KDM6A: variants seen among roughly 807,000 people sequenced by gnomAD.
The protein encoded by KDM6A is lysine demethylase 6A, also known as lysine-specific demethylase 6A.
A neutral mutation model predicts 117.6 loss-of-function variants in KDM6A; 11 were observed. The observed-to-expected ratio is 0.09, with a 90% CI of 0.06 to 0.15. The LOEUF is 0.15. Among genes scored for constraint, KDM6A ranks in the 10% least tolerant of loss-of-function variants. KDM6A has a pLI of 1.00. For synonymous variants in KDM6A, 384 were observed against 396.1 expected (o/e 0.97, Z 0.36); for missense variants, 799 against 1,077.3 (o/e 0.74, Z 3.62).
intron 2 of KDM6A, among the ~76,000 whole-genome samples, chrX:44,916,794 C>G (rs1338610767): frequency 6.4e-5 from 7 of 109,128 alleles, no homozygotes; most frequent in African/African-American, 2.3e-4. Context: ...TACAGGTGCA[C>G]ACTACAACAC....
intron 25 of KDM6A, 140 bp from the exon 26 acceptor site, chrX:45,089,600 ACAG>A (rs916049334): frequency 2.0e-6 from 1 of 490,379 alleles, no homozygotes; most frequent in African/African-American, 2.4e-5. Context: ...CTATATACAT[ACAG>A]CAGATCTTTT....
chrX:45,083,385 G>T (rs2148149506), intron 23 of KDM6A, 75 bp from the exon 24 acceptor site: 2 of 972,579 alleles, frequency 2.1e-6, no homozygotes, highest in South Asian at 2.0e-5. Context: ...TGGAACACAA[G>T]GGTTTTGAAG....
intron 3 of KDM6A, among the ~76,000 whole-genome samples, chrX:44,961,998 G>A (rs2038694030): frequency 9.0e-6 from 1 of 111,306 alleles, no homozygotes; most frequent in South Asian, 3.8e-4. Flanking sequence ...AAAAGCACCC[G>A]GAAACCCCGC....
At chrX:44,892,183 A>G (rs2033418870) in intron 2 of KDM6A, among the ~76,000 whole-genome samples, 1 of 112,433 alleles carries the variant, frequency 8.9e-6, no homozygotes, top group Non-Finnish European at 1.9e-5. Flanking sequence ...CTTCTTTGTC[A>G]AGGTTGATTT....
intron 2 of KDM6A, among the ~76,000 whole-genome samples, chrX:44,884,707 G>A (rs767071813): frequency 3.6e-5 from 4 of 111,412 alleles, no homozygotes; most frequent in East Asian, 5.7e-4. Flanking sequence ...AGACTTAAGA[G>A]CTCTTGAAAA....
At chrX:45,062,789 T>A (rs753587124) in intron 16 of KDM6A, 41 bp downstream of exon 16, 2 of 900,228 alleles carry the variant, frequency 2.2e-6, no homozygotes. Context: ...GTTAGCATTT[T>A]GAGTATTTTT....
At chrX:45,006,399 C>G (rs2041489642) in intron 4 of KDM6A, among the ~76,000 whole-genome samples, 2 of 110,224 alleles carry the variant, frequency 1.8e-5, no homozygotes, top group African/African-American at 6.6e-5. Flanking sequence ...TAATTCTCAG[C>G]AAGACAAGAT....
Position 45,063,772 on chromosome X carries a change from C to T in KDM6A, c.2034C>T (p.Ser678=), listed in dbSNP as rs2147999497. Residue 678 remains serine, a synonymous_variant, in exon 17 of 30, where the codon AGC becomes AGT. Coordinates refer to ENST00000611820, the MANE Select transcript of KDM6A (RefSeq NM_001291415.2). ...TLPHNRTNLT[S]SAEEPWKNQL... ...CTCATAACCGCACAAACCTGACCAG[C>T]AGCGCAGAGGAGCCGTGGAAAAACC... The T allele has an allele frequency of 8.3e-7, 1 of 1,206,081 alleles. No homozygotes were observed. The highest frequency in any genetic ancestry group is 1.1e-6 in the Non-Finnish European group (1 of 892,235).
intron 2 of KDM6A, among the ~76,000 whole-genome samples, chrX:44,958,216 C>G (rs1307481319): frequency 2.0e-5 from 2 of 101,231 alleles, no homozygotes; most frequent in Non-Finnish European, 3.9e-5. Context: ...GAGTCTAGCT[C>G]TGTCGCCCAT....
At chrX:44,910,405 T>C (rs913579486) in intron 2 of KDM6A, among the ~76,000 whole-genome samples, 5 of 111,364 alleles carry the variant, frequency 4.5e-5, no homozygotes, top group African/African-American at 1.6e-4. Flanking sequence ...GCCAGGCTGG[T>C]CTGGAACTCC....
intron 2 of KDM6A, among the ~76,000 whole-genome samples, chrX:44,944,567 G>T (rs1372673429): frequency 9.0e-6 from 1 of 111,019 alleles, no homozygotes; most frequent in Non-Finnish European, 1.9e-5. Flanking sequence ...TCTTCTCTGC[G>T]CTTATTTAGG....
chrX:44,886,373 T>C (rs2032879505), intron 2 of KDM6A, among the ~76,000 whole-genome samples: 1 of 111,356 alleles, frequency 9.0e-6, no homozygotes, highest in Admixed American at 9.6e-5. Context: ...ATTGGAAGAA[T>C]TGGCAAATTT....
chrX:45,024,207 C>T (rs907146751), intron 6 of KDM6A, among the ~76,000 whole-genome samples: 9 of 111,736 alleles, frequency 8.1e-5, no homozygotes, highest in East Asian at 2.8e-4. Context: ...TTTAAGGAAC[C>T]GCCACACTGT....
At chrX:44,874,577 T>A (rs2031276660) in intron 2 of KDM6A, among the ~76,000 whole-genome samples, 1 of 111,574 alleles carries the variant, frequency 9.0e-6, no homozygotes, top group African/African-American at 3.3e-5. Flanking sequence ...TTGGGTCTTT[T>A]TGGCATAGAA....
At chrX:44,916,958 A>G (rs1168183420) in intron 2 of KDM6A, among the ~76,000 whole-genome samples, 1 of 106,174 alleles carries the variant, frequency 9.4e-6, no homozygotes, top group East Asian at 3.0e-4. Flanking sequence ...CCATCTTACC[A>G]TTTTAAAATT....
At chrX:45,021,528 G>A (rs2042170686) in intron 6 of KDM6A, among the ~76,000 whole-genome samples, 1 of 111,354 alleles carries the variant, frequency 9.0e-6, no homozygotes, top group African/African-American at 3.3e-5. Context: ...TGGTTGGGGA[G>A]ATAAAGAATG....
chrX:45,017,899 G>A (rs2042030578), intron 5 of KDM6A, among the ~76,000 whole-genome samples: 2 of 111,697 alleles, frequency 1.8e-5, no homozygotes, highest in Admixed American at 9.5e-5. Context: ...AGTTTGGGTG[G>A]TGTGTCTTGA....
intron 2 of KDM6A, among the ~76,000 whole-genome samples, chrX:44,950,583 A>AGT (rs59987785): frequency 0.21 from 22,769 of 106,012 alleles, 4,249 homozygotes; most frequent in African/African-American, 0.6. Flanking sequence ...CCTGGGTGTG[A>AGT]GTGTGTGTGT....
At chrX:44,990,536 G>C (rs1215190881) in intron 4 of KDM6A, among the ~76,000 whole-genome samples, 2 of 91,931 alleles carry the variant, frequency 2.2e-5, no homozygotes, top group Non-Finnish European at 4.3e-5. Flanking sequence ...GGCAACGAGC[G>C]AAACTGTGTC....
Sources: gnomAD v4.1 joint callset for allele counts (sites outside exome capture counted in the v4.1 genomes callset) on GRCh38, gnomAD v4.1.1 for gene constraint, MANE v1.5 for transcripts, NCBI Gene and HGNC (gene_info 2026-07-23, HGNC 2026-07-21) for gene names.